Variants in GLIS3 observed in about 807,000 individuals in gnomAD.
GLIS3 encodes zinc finger protein GLIS3.
Under a neutral mutation model 78.6 loss-of-function variants are expected in GLIS3, and 53 were observed. The ratio of observed to expected loss-of-function variants is 0.67; its 90% CI spans 0.54 to 0.85. The LOEUF (loss-of-function observed/expected upper bound fraction) is 0.85, where lower values mean the gene tolerates loss of function less well. Ranked by LOEUF, GLIS3 falls within the 40% of genes least tolerant of loss-of-function variation. The probability of loss-of-function intolerance (pLI) is 0.00; values close to 1 mark genes in which losing one functional copy is unlikely to be tolerated. For synonymous variants in GLIS3, 684 were observed against 509.9 expected (o/e 1.34, Z -4.60); for missense variants, 1,703 against 1,231.1 (o/e 1.38, Z -5.74).
intron 2 of GLIS3, among the ~76,000 whole-genome samples, chr9:4,263,681 C>T (rs1260037257): frequency 6.6e-6 from 1 of 152,192 alleles, no homozygotes; most frequent in South Asian, 2.1e-4. Context: ...CTGTCAAGGT[C>T]AGTAGTGACC....
intron 2 of GLIS3, among the ~76,000 whole-genome samples, chr9:4,311,451 G>A (rs1035362853): frequency 6.6e-6 from 1 of 152,128 alleles, no homozygotes; most frequent in Non-Finnish European, 1.5e-5. Flanking sequence ...GTAATCCCAT[G>A]TATTTCATTT....
chr9:4,331,994 G>C (rs1474364502), intron 2 of GLIS3, among the ~76,000 whole-genome samples: 1 of 152,134 alleles, frequency 6.6e-6, no homozygotes, highest in African/African-American at 2.4e-5. Context: ...TCTTCAACTT[G>C]GGAGTCCTTA....
intron 2 of GLIS3, among the ~76,000 whole-genome samples, chr9:4,160,020 G>T (rs1835354076): frequency 6.6e-6 from 1 of 151,992 alleles, no homozygotes; most frequent in Non-Finnish European, 1.5e-5. Context: ...TTATCTCTTT[G>T]AACACAAAAT....
At chr9:4,365,058 CT>C in the GLIS3 span, among the ~76,000 whole-genome samples, 7 of 152,086 alleles carry the variant, frequency 4.6e-5, no homozygotes, top group South Asian at 6.2e-4. Context: ...AAGACAATTT[CT>C]TTGTAAGACA....
upstream of GLIS3, among the ~76,000 whole-genome samples, chr9:4,348,703 T>C (rs917130240): frequency 2.6e-5 from 4 of 152,234 alleles, no homozygotes; most frequent in South Asian, 4.2e-4. Context: ...TAAACAAATA[T>C]GGTAAATATG....
chr9:3,956,043 AAAAAAG>A (rs1348444621), intron 4 of GLIS3, among the ~76,000 whole-genome samples: 3 of 151,512 alleles, frequency 2.0e-5, no homozygotes, highest in Admixed American at 2.0e-4. Flanking sequence ...AAAAAAAAAA[AAAAAAG>A]AAAGAAAAAA....
the GLIS3 span, among the ~76,000 whole-genome samples, chr9:4,406,865 C>T: frequency 1.3e-5 from 2 of 152,192 alleles, no homozygotes; most frequent in Admixed American, 1.3e-4. Context: ...AATGTTTATA[C>T]TAGCCAAAGC....
chr9:4,016,417 A>G (rs1822442973), intron 4 of GLIS3, among the ~76,000 whole-genome samples: 1 of 152,152 alleles, frequency 6.6e-6, no homozygotes, highest in African/African-American at 2.4e-5. Context: ...TCTCATTTCT[A>G]TTCTACATTT....
At chr9:4,315,397 G>C (rs1001338515) in intron 2 of GLIS3, among the ~76,000 whole-genome samples, 1 of 152,128 alleles carries the variant, frequency 6.6e-6, no homozygotes, top group Non-Finnish European at 1.5e-5. Context: ...CTCAGTCCAT[G>C]TTCTAAAACT....
At chr9:3,900,358 G>A (rs1219961641) in intron 6 of GLIS3, among the ~76,000 whole-genome samples, 1 of 152,022 alleles carries the variant, frequency 6.6e-6, no homozygotes, top group Non-Finnish European at 1.5e-5. Context: ...AATGTTCATA[G>A]GAGTGAATAT....
chr9:4,380,483 A>G, the GLIS3 span, among the ~76,000 whole-genome samples: 1 of 152,256 alleles, frequency 6.6e-6, no homozygotes, highest in African/African-American at 2.4e-5. Context: ...AAAAATTTAA[A>G]TGTCAGAGCT....
intron 5 of GLIS3, among the ~76,000 whole-genome samples, chr9:3,935,929 A>C (rs991380453): frequency 6.6e-6 from 1 of 152,238 alleles, no homozygotes; most frequent in Non-Finnish European, 1.5e-5. Flanking sequence ...TCTGTTTAGA[A>C]AGGTTATGTG....
At chr9:4,108,061 A>G (rs1420671139) in intron 4 of GLIS3, among the ~76,000 whole-genome samples, 1 of 152,178 alleles carries the variant, frequency 6.6e-6, no homozygotes, top group Non-Finnish European at 1.5e-5. Context: ...TTGAATATGT[A>G]GTAGGAAGAA....
At chr9:4,308,311 G>A (rs1817280656) in intron 4 of GLIS3, among the ~76,000 whole-genome samples, 1 of 152,158 alleles carries the variant, frequency 6.6e-6, no homozygotes, top group Non-Finnish European at 1.5e-5. Context: ...GGGATGCAGG[G>A]AGGAGGAGGA....
At chr9:3,859,476 A>G (rs772190480) in intron 8 of GLIS3, among the ~76,000 whole-genome samples, 3 of 151,752 alleles carry the variant, frequency 2.0e-5, no homozygotes, top group Non-Finnish European at 1.5e-5. Flanking sequence ...ATGAAGGTAA[A>G]TTAAATTTTT....
chr9:4,095,552 T>G (rs566389133), intron 4 of GLIS3, among the ~76,000 whole-genome samples: 14 of 152,188 alleles, frequency 9.2e-5, no homozygotes, highest in Admixed American at 2.0e-4. Flanking sequence ...TCAAGCTATA[T>G]TAGAAGAGGA....
At chr9:4,133,855 CACACACACACACACACACA>C (rs1564098414) in intron 2 of GLIS3, among the ~76,000 whole-genome samples, 12 of 97,668 alleles carry the variant, frequency 1.2e-4, no homozygotes, top group South Asian at 3.1e-4. Context: ...CACACACACA[CACACACACACACACACACA>C]CCGTACATCT....
chr9:4,123,411 T>G (rs929276367), intron 3 of GLIS3, among the ~76,000 whole-genome samples: 5 of 152,118 alleles, frequency 3.3e-5, no homozygotes, highest in Admixed American at 2.6e-4. Flanking sequence ...AAATTTTACT[T>G]TTAAGAATTT....
intron 4 of GLIS3, among the ~76,000 whole-genome samples, chr9:4,055,213 G>C (rs149564783): frequency 1.3e-5 from 2 of 152,278 alleles, no homozygotes; most frequent in South Asian, 2.1e-4. Context: ...CATCAATAGA[G>C]TTGGCAAGAG....
Sources: allele counts gnomAD v4.1 joint callset (sites outside exome capture counted in the v4.1 genomes callset), GRCh38; gene constraint gnomAD v4.1.1; transcripts MANE v1.5; gene names NCBI Gene and HGNC (gene_info 2026-07-23, HGNC 2026-07-21).